The following TSPAN9 variants were observed in gnomAD, a reference collection of about 807,000 sequenced individuals.
TSPAN9 encodes the protein tetraspanin-9.
A neutral mutation model predicts 31.0 loss-of-function variants in TSPAN9; 16 were observed. The ratio of observed to expected loss-of-function variants is 0.52; its 90% CI spans 0.35 to 0.78. The LOEUF is 0.78. Among genes scored for constraint, TSPAN9 ranks in the 30% least tolerant of loss-of-function variants. The pLI is 0.01. For missense variants in TSPAN9, 272 were observed against 312.5 expected (o/e 0.87, Z 0.98); for synonymous variants, 145 against 121.6 (o/e 1.19, Z -1.27).
intron 2 of TSPAN9, among the ~76,000 whole-genome samples, chr12:3,135,576 G>A (rs1249860392): frequency 1.3e-5 from 2 of 152,166 alleles, no homozygotes; most frequent in African/African-American, 4.8e-5. Context: ...CAGGGTTGAG[G>A]GGCTGTGGCC....
At chr12:3,200,884 C>T (rs946969333) in intron 2 of TSPAN9, 4 of 312,358 alleles carry the variant, frequency 1.3e-5, no homozygotes, top group South Asian at 9.3e-5. Context: ...GGGAGCGATG[C>T]CCCCCGCTCC....
In TSPAN9 at chr12:3,285,711, C is replaced by G. The variant is rs886571406; in HGVS notation, c.*2595C>G. On this transcript the variant is annotated 3_prime_UTR_variant, in exon 9 of 9. Transcript: ENST00000011898. ...TCCCCTGAGAGAATTCCCTCACTCA[C>G]GGCTCCCTTTGCCAGAGTCAGTTCA... 1.3e-5 allele frequency: 2 copies of G among 152,236 alleles called. No homozygotes were observed. Among genetic ancestry groups the G allele is most frequent in the Non-Finnish European group, 2.9e-5 (2 of 68,056 alleles). The allele number at this position is 152,236 out of a possible 1,614,324, so 9.4% of individuals were successfully genotyped here.
rs1862956847 is a variant in TSPAN9 at position 3,283,940 on chromosome 12, G to A, written c.*824G>A. 1 of 152,522 alleles carries A rather than the reference G, an allele frequency of 6.6e-6. No homozygotes were observed. The highest frequency in any genetic ancestry group is 1.5e-5 in the Non-Finnish European group (1 of 68,236). The allele number at this position is 152,522 out of a possible 1,614,324, so 9.4% of individuals were successfully genotyped here. Reference sequence around the variant, plus strand: ...GACAGGAGCCTGGGAGAGGCGGGTGGAGCGTGAAGCAGGCTGGAGGTGCCC... The same window carrying A: ...GACAGGAGCCTGGGAGAGGCGGGTGAAGCGTGAAGCAGGCTGGAGGTGCCC... On this transcript the variant is annotated 3_prime_UTR_variant, in exon 9 of 9. Coordinates refer to ENST00000011898, the MANE Select transcript of TSPAN9 (RefSeq NM_006675.5).
chr12:3,086,814 G>A (rs1591620514), intron 2 of TSPAN9, among the ~76,000 whole-genome samples: 1 of 152,234 alleles, frequency 6.6e-6, no homozygotes, highest in South Asian at 2.1e-4. Context: ...ATATATTATT[G>A]TACAGCTGGA....
At chr12:3,226,252 TCC>T (rs1247200028) in intron 3 of TSPAN9, among the ~76,000 whole-genome samples, 1 of 152,092 alleles carries the variant, frequency 6.6e-6, no homozygotes, top group African/African-American at 2.4e-5. Flanking sequence ...CGGGAGAAAC[TCC>T]TTTAAAGACC....
chr12:3,187,471 C>T lies in TSPAN9; in HGVS notation c.-17-13706C>T, dbSNP rs562858281. 2.0e-4 allele frequency among the ~76,000 whole-genome samples: 31 copies of T among 152,122 alleles called. No individual in the cohort carries two copies. Among genetic ancestry groups the T allele is most frequent in the Non-Finnish European group, 3.4e-4 (23 of 68,034 alleles). The stretch of plus-strand genomic sequence containing the variant: ...GCCCAGCACTGGACCCAGGTAAGGC[C>T]GCTTGGTGTAAGGAAAGATCACTGT... On this transcript the variant is annotated intron_variant, in intron 2 of 8. Transcript: ENST00000011898. The surrounding 1 kb of genome is among the most constrained non-coding windows in gnomAD (Gnocchi z 5.2).
intron 2 of TSPAN9, among the ~76,000 whole-genome samples, chr12:3,167,234 A>G (rs921658919): frequency 6.6e-6 from 1 of 152,156 alleles, no homozygotes; most frequent in Admixed American, 6.5e-5. Flanking sequence ...TCTCTCACTA[A>G]TGAGATATCT....
chr12:3,089,171 G>T (rs2098302514), intron 2 of TSPAN9, among the ~76,000 whole-genome samples: 1 of 150,494 alleles, frequency 6.6e-6, no homozygotes, highest in Non-Finnish European at 1.5e-5. Context: ...GGTGGAGCTT[G>T]CAGTGAGCTG....
In TSPAN9 at chr12:3,266,089, G is replaced by C. The variant is rs146667836; in HGVS notation, c.64-12332G>C. On this transcript the variant is annotated intron_variant, in intron 3 of 8. Transcript: ENST00000011898. ...TCATCCCGTCCTCCTCGGCTACAAGGAGCACTCCAGGCCCAGAGGCTTGTG... is the reference window on the plus strand; with the variant it reads ...TCATCCCGTCCTCCTCGGCTACAAGCAGCACTCCAGGCCCAGAGGCTTGTG... 4.9e-3 allele frequency among the ~76,000 whole-genome samples: 752 copies of C among 152,224 alleles called. 13 individuals carry two copies. Among genetic ancestry groups the C allele is most frequent in the African/African-American group, 0.017 (705 of 41,542 alleles).
chr12:3,162,003 A>G (rs2098345605), intron 2 of TSPAN9, among the ~76,000 whole-genome samples: 1 of 151,990 alleles, frequency 6.6e-6, no homozygotes, highest in South Asian at 2.1e-4. Flanking sequence ...TTGAAATTTG[A>G]TCCCAGTGTT....
chr12:3,262,505 T>C (rs1591712157), intron 3 of TSPAN9, among the ~76,000 whole-genome samples: 1 of 152,210 alleles, frequency 6.6e-6, no homozygotes, highest in Admixed American at 6.5e-5. Flanking sequence ...AACTTTGTTC[T>C]CGGTGCCTCT....
At chr12:3,257,147 T>C (rs1377334784) in intron 3 of TSPAN9, among the ~76,000 whole-genome samples, 1 of 152,118 alleles carries the variant, frequency 6.6e-6, no homozygotes, top group African/African-American at 2.4e-5. Context: ...AAAGTGCTGC[T>C]CTGTGGGTCT....
intron 2 of TSPAN9, among the ~76,000 whole-genome samples, chr12:3,180,347 C>T (rs559048038): frequency 2.3e-4 from 35 of 152,198 alleles, no homozygotes; most frequent in South Asian, 1.2e-3. Context: ...TAAAATTAGC[C>T]AGGATGGTGG....
chr12:3,262,452 G>A lies in TSPAN9; in HGVS notation c.64-15969G>A, dbSNP rs1020951836. ...TCTCATATGAAAATGTGTAGTAATC[G>A]TTTCTTTTTGCTATTTTCAATATAT... On this transcript the variant is annotated intron_variant, in intron 3 of 8. Coordinates refer to ENST00000011898, the MANE Select transcript of TSPAN9 (RefSeq NM_006675.5). Among the ~76,000 whole-genome samples, 8 of 150,982 alleles carry A rather than the reference G, an allele frequency of 5.3e-5. No individual in the cohort carries two copies. In the East Asian group the frequency reaches 5.9e-4, roughly 11 times the overall value.
chr12:3,268,485 CCTCT>C (rs1458005432), intron 3 of TSPAN9, among the ~76,000 whole-genome samples: 3 of 136,874 alleles, frequency 2.2e-5, no homozygotes, highest in Admixed American at 7.2e-5. Flanking sequence ...TGCAGCCTGC[CCTCT>C]CTGTGTTCCT....
chr12:3,135,188 A>G (rs566936780), intron 2 of TSPAN9, among the ~76,000 whole-genome samples: 3 of 152,210 alleles, frequency 2.0e-5, no homozygotes, highest in East Asian at 1.9e-4. Context: ...TGCTCAAGCA[A>G]TCCTCCCACC....
rs188800497 is a variant in TSPAN9, at chr12:3,210,338, G to A, written c.63+9082G>A. Among the ~76,000 whole-genome samples the A allele has an allele frequency of 7.2e-4, 110 of 152,236 alleles. No individual in the cohort carries two copies. In the East Asian group the frequency reaches 0.018, roughly 25 times the overall value. The stretch of plus-strand genomic sequence containing the variant: ...TTCCCACCAGTGGAGAGTCAATGGG[G>A]AATGGTTTTTGGCATTCTCCAGTAC... On this transcript the variant is annotated intron_variant, in intron 3 of 8. Coordinates refer to ENST00000011898, the MANE Select transcript of TSPAN9 (RefSeq NM_006675.5).
chr12:3,235,983 C>T (rs767076698), intron 3 of TSPAN9, among the ~76,000 whole-genome samples: 2 of 152,244 alleles, frequency 1.3e-5, no homozygotes, highest in East Asian at 1.9e-4. Flanking sequence ...GCCGCTGGGG[C>T]GGCATGAGGG....
chr12:3,095,821 G>T (rs1165018156), intron 2 of TSPAN9, among the ~76,000 whole-genome samples: 2 of 146,510 alleles, frequency 1.4e-5, no homozygotes, highest in Non-Finnish European at 3.0e-5. Context: ...ATGGGATGGC[G>T]GCCGGGCGGA....
Sources: gnomAD v4.1 joint callset for allele counts (sites outside exome capture counted in the v4.1 genomes callset) on GRCh38, gnomAD v4.1.1 for gene constraint, Gnocchi (gnomAD v3.1) non-coding constraint, MANE v1.5 for transcripts, NCBI Gene and HGNC (gene_info 2026-07-23, HGNC 2026-07-21) for gene names.